Variants in NOTCH3 observed in about 807,000 individuals in gnomAD.
The protein encoded by NOTCH3 is notch receptor 3, also known as neurogenic locus notch homolog protein 3.
Under a neutral mutation model 213.3 loss-of-function variants are expected in NOTCH3, and 86 were observed. That is an observed-to-expected ratio of 0.40 (90% CI 0.34 to 0.48). The LOEUF is 0.48. Ranked by LOEUF, NOTCH3 falls within the 20% of genes least tolerant of loss-of-function variation. NOTCH3 has a pLI of 0.57. For synonymous variants in NOTCH3, 1,354 were observed against 1,355.9 expected (o/e 1.00, Z 0.03); for missense variants, 2,783 against 3,272.6 (o/e 0.85, Z 3.65).
Position 15,161,646 on chromosome 19 carries a change from G to A in NOTCH3, c.5982C>T (p.His1994=). ...GGTCGGTGATCTCACGGTTGGCAAA[G>A]TGGTCCAACAGCAGCTTGGCAGCCT... ...SYEAAKLLLD[H]FANREITDHL... is the part of the protein sequence containing the mutation. Residue 1994 remains histidine, a synonymous_variant, in exon 33 of 33, where the codon CAC becomes CAT. Transcript: ENST00000263388. The A allele has an allele frequency of 6.2e-7, 1 of 1,613,932 alleles. No homozygotes were observed. Among genetic ancestry groups the A allele is most frequent in the Non-Finnish European group, 8.5e-7 (1 of 1,179,944 alleles).
chr19:15,191,275 C>T (rs549531229), intron 6 of NOTCH3, 149 bp downstream of exon 6: 26 of 756,632 alleles, frequency 3.4e-5, no homozygotes, highest in South Asian at 1.4e-4. Context: ...CCCAGTGATC[C>T]GCCCGCCTGG....
At chr19:15,183,756 GACAGTGC>G (rs1295525649) in intron 16 of NOTCH3, among the ~76,000 whole-genome samples, 1 of 152,014 alleles carries the variant, frequency 6.6e-6, no homozygotes, top group African/African-American at 2.4e-5. Context: ...TGCTCTCAAA[GACAGTGC>G]ACTTAGGTCG....
chr19:15,187,471 GCCCCACCCCCCACC>G, intron 10 of NOTCH3, 133 bp from the exon 11 acceptor site: 1 of 653,378 alleles, frequency 1.5e-6, no homozygotes, highest in Non-Finnish European at 2.6e-6. Flanking sequence ...CTCAATACAG[GCCCCACCCCCCACC>G]CCCCACTTAC....
In NOTCH3 at chr19:15,179,165, C is replaced by T. The variant is rs2145417940; in HGVS notation, c.3578G>A (p.Cys1193Tyr). The T allele has an allele frequency of 6.2e-7, 1 of 1,614,144 alleles. No homozygotes were observed. The highest frequency in any genetic ancestry group is 8.5e-7 in the Non-Finnish European group (1 of 1,180,010). The change falls in exon 22 of 33, where the codon TGT becomes TAT. Residue 1193 changes from cysteine (C) to tyrosine (Y), a missense_variant. By Grantham distance (194) the Cys-to-Tyr change is radical (BLOSUM62 -2). Around this residue, in one of 6 missense-constraint regions of NOTCH3, gnomAD observed 861 missense variants for 909.1 expected, o/e 0.95. Transcript: ENST00000263388. ...VDLVGGFRCT[C>Y]PPGYTGLRCE... ...GCGCAAACCAGTGTATCCTGGGGGACAGGTGCAGCGGAAACCACCCACCAG... is the reference window on the plus strand; with the variant it reads ...GCGCAAACCAGTGTATCCTGGGGGATAGGTGCAGCGGAAACCACCCACCAG...
rs2145418593 is a variant in NOTCH3, at chr19:15,179,290, A to G, written c.3461-8T>C. On this transcript the variant is annotated splice_region_variant and splice_polypyrimidine_tract_variant and intron_variant, in intron 21 of 32. Coordinates refer to ENST00000263388, the MANE Select transcript of NOTCH3 (RefSeq NM_000435.3). ...TAATCTCGCAGAGCACCCCTGGGGG[A>G]AGAAACGAGGGGTGGTCAAGAGGGA... The G allele has an allele frequency of 6.2e-7, 1 of 1,611,386 alleles. No individual in the cohort carries two copies. Among genetic ancestry groups the G allele is most frequent in the African/African-American group, 1.3e-5 (1 of 74,984 alleles).
intron 32 of NOTCH3, 52 bp downstream of exon 32, chr19:15,162,413 C>T (rs1454536540): frequency 8.0e-6 from 10 of 1,253,120 alleles, no homozygotes; most frequent in Non-Finnish European, 4.7e-6. Context: ...GGCTGGATTG[C>T]AATGGCACTG....
chr19:15,178,755 C>T (rs1159625040), intron 23 of NOTCH3, 68 bp downstream of exon 23: 1 of 1,116,898 alleles, frequency 9.0e-7, no homozygotes, highest in Non-Finnish European at 1.3e-6. Flanking sequence ...TCCTCCTAGA[C>T]GCCACGCCCC....
In NOTCH3 at chr19:15,185,109, C is replaced by T; in HGVS notation, c.2297-90G>A. ...CCACCTCCCCCAACCCCAGGGTCCC[C>T]ACCTTGATACCCACCTCCCAAGCTC... On this transcript the variant is annotated intron_variant, in intron 14 of 32. Transcript: ENST00000263388. The surrounding 1 kb of genome is among the most constrained non-coding windows in gnomAD (Gnocchi z 4.2). 1 of 1,293,322 alleles carries T rather than the reference C, an allele frequency of 7.7e-7. No homozygotes were observed. Among genetic ancestry groups the T allele is most frequent in the East Asian group, 2.4e-5 (1 of 40,920 alleles). The allele number at this position is 1,293,322 out of a possible 1,614,324, so 80.1% of individuals were successfully genotyped here. A position where few individuals can be genotyped will look rare whatever the true frequency, so the allele number is the denominator to read the frequency against.
intron 9 of NOTCH3, 47 bp downstream of exon 9, chr19:15,188,188 C>T (rs1325072761): frequency 1.4e-6 from 2 of 1,433,790 alleles, no homozygotes. Context: ...GAGTTTTTGC[C>T]CCTTCCCAGA....
rs2046805038 is a variant in NOTCH3 at position 15,177,866 on chromosome 19, C to A, written c.4062G>T (p.Pro1354=). 8.2e-7 allele frequency: 1 copy of A among 1,223,616 alleles called. No homozygotes were observed. Among genetic ancestry groups the A allele is most frequent in the Admixed American group, 4.4e-5 (1 of 22,774 alleles). 75.8% of individuals were successfully genotyped at this position (1,223,616 alleles called of 1,614,324 possible). The stretch of plus-strand genomic sequence containing the variant: ...AAGCGCAGCGGAAGAAGGGCGCGAG[C>A]GGCGCGGGGCGGCAGGAGCCCCCGT... The part of the protein sequence containing the change: ...CLHGGSCRPA[P]LAPFFRCACA... The change falls in exon 24 of 33, where the codon CCG becomes CCT. Residue 1354 remains proline (P), a synonymous_variant. Transcript: ENST00000263388.
At position 15,177,511 on chromosome 19, in the gene NOTCH3, G is replaced by A. The variant is rs922293094; in HGVS notation, c.4403+14C>T. ...ATGCATAGACAGACGGATCGATCGG[G>A]TGGATGGGCTCACTTGCAAGTGCGC... is the stretch of plus-strand genomic sequence containing the variant. On this transcript the variant is annotated intron_variant, in intron 24 of 32. Transcript: ENST00000263388. 3 of 1,604,306 alleles carry A rather than the reference G, an allele frequency of 1.9e-6. No homozygotes were observed. Among genetic ancestry groups the A allele is most frequent in the Non-Finnish European group, 2.6e-6 (3 of 1,175,896 alleles).
intron 7 of NOTCH3, 41 bp from the exon 8 acceptor site, chr19:15,189,215 G>C (rs1274849674): frequency 2.5e-6 from 4 of 1,613,276 alleles, no homozygotes; most frequent in Non-Finnish European, 2.5e-6. Context: ...TGGCTGGCCG[G>C]GACCCCCTCC....
In NOTCH3 at chr19:15,187,900, G is replaced by A. The variant is rs1192403911; in HGVS notation, c.1587C>T (p.Tyr529=). The A allele has an allele frequency of 5.8e-6, 9 of 1,549,286 alleles. No homozygotes were observed. The highest frequency in any genetic ancestry group is 2.1e-4 in the Middle Eastern group (1 of 4,778). The change falls in exon 10 of 33, where the codon TAC becomes TAT. Residue 529 remains tyrosine (Y), a synonymous_variant. Transcript: ENST00000263388. ...CCTCACCCTCGGCACAGCGGCACTC[G>A]TAGCCATCGGGCTGGTCCACGCATT... ...GAKCVDQPDG[Y]ECRCAEGFEG...
intron 2 of NOTCH3, among the ~76,000 whole-genome samples, chr19:15,192,834 G>C (rs2046940937): frequency 6.6e-6 from 1 of 152,168 alleles, no homozygotes; most frequent in African/African-American, 2.4e-5. Flanking sequence ...AGAATTGCTT[G>C]AACTCGGGAG....
rs777751303 is a variant in NOTCH3 at position 15,187,126 on chromosome 19, G to A, written c.1819C>T (p.Arg607Cys). Reference protein sequence around the residue: ...CLDLVDKYLCRCPSGTTGVNC... With the variant: ...CLDLVDKYLCCCPSGTTGVNC... ...CCACCTGTGGTCCCAGAAGGGCAGC[G>A]GCAGAGGTACTTGTCCACCAGGTCT... The change falls in exon 11 of 33, where the codon CGC (arginine) becomes TGC (cysteine). Residue 607 changes from arginine (R) to cysteine (C), a missense_variant. Transcript: ENST00000263388. The A allele has an allele frequency of 3.7e-6, 6 of 1,613,928 alleles. No homozygotes were observed. Among genetic ancestry groups the A allele is most frequent in the East Asian group, 2.2e-5 (1 of 44,866 alleles).
rs1267820124 is a variant in NOTCH3 at position 15,160,454 on chromosome 19, G to A, written c.*208C>T. 6.6e-6 allele frequency: 4 copies of A among 602,338 alleles called. No individual in the cohort carries two copies. The highest frequency in any genetic ancestry group is 1.2e-5 in the Non-Finnish European group (4 of 337,210). The allele number at this position is 602,338 out of a possible 1,614,324, so 37.3% of individuals were successfully genotyped here. A position where few individuals can be genotyped will look rare whatever the true frequency, so the allele number is the denominator to read the frequency against. On this transcript the variant is annotated 3_prime_UTR_variant, in exon 33 of 33. Transcript: ENST00000263388. ...GACTCTTCACAAGACTGAGAGGGTG[G>A]GTGGTAGCCCCCACCCATTATAAAT...
chr19:15,192,603 C>T lies in NOTCH3; in HGVS notation c.198-84G>A, dbSNP rs938893532. ...ATACACACAAGACAGGCAAGAAACA[C>T]GCAGGGAAACAGAGCAGCAAACACA... On this transcript the variant is annotated intron_variant, in intron 2 of 32. Coordinates refer to ENST00000263388, the MANE Select transcript of NOTCH3 (RefSeq NM_000435.3). 9.2e-5 allele frequency: 139 copies of T among 1,511,080 alleles called. No individual in the cohort carries two copies. In the East Asian group the frequency reaches 1.1e-3, roughly 11 times the overall value. The allele number at this position is 1,511,080 out of a possible 1,614,324, so 93.6% of individuals were successfully genotyped here. A position where few individuals can be genotyped will look rare whatever the true frequency, so the allele number is the denominator to read the frequency against.
At chr19:15,183,067 G>A (rs896121536) in intron 16 of NOTCH3, among the ~76,000 whole-genome samples, 19 of 152,078 alleles carry the variant, frequency 1.2e-4, no homozygotes, top group Admixed American at 2.0e-4. Flanking sequence ...CCTAGACAAC[G>A]CAGTGAGACC....
Position 15,161,711 on chromosome 19 carries a change from C to T in NOTCH3, c.5917G>A (p.Glu1973Lys). Residue 1973 changes from glutamate to lysine, a missense_variant, in exon 33 of 33, where the codon GAG becomes AAG. By Grantham distance (56) the Glu-to-Lys change is moderately conservative. Coordinates refer to ENST00000263388, the MANE Select transcript of NOTCH3 (RefSeq NM_000435.3). ...ANKDMQDSKEETPLFLAAREG... is the reference protein window; with the variant it reads ...ANKDMQDSKEKTPLFLAAREG... ...CGGGCGGCCAGGAATAGGGGGGTCT[C>T]CTCCTGGGGGGCCAGAACCCACAGA... The T allele has an allele frequency of 1.2e-6, 2 of 1,613,330 alleles. No homozygotes were observed. The highest frequency in any genetic ancestry group is 1.7e-6 in the Non-Finnish European group (2 of 1,179,660).
Sources: allele counts gnomAD v4.1 joint callset (sites outside exome capture counted in the v4.1 genomes callset), GRCh38; gene constraint gnomAD v4.1.1; regional missense constraint gnomAD v4.1.1; non-coding constraint Gnocchi (gnomAD v3.1); transcripts MANE v1.5; gene names NCBI Gene and HGNC (gene_info 2026-07-23, HGNC 2026-07-21).